Variants in GALNT7 observed in about 807,000 individuals in gnomAD.
The protein encoded by GALNT7 is N-acetylgalactosaminyltransferase 7.
Under a neutral mutation model 82.1 loss-of-function variants are expected in GALNT7, and 60 were observed. The ratio of observed to expected loss-of-function variants is 0.73; its 90% confidence interval spans 0.59 to 0.91. The LOEUF (loss-of-function observed/expected upper bound fraction) is 0.91, where lower values mean the gene tolerates loss of function less well. Ranked by LOEUF, GALNT7 falls within the 40% of genes least tolerant of loss-of-function variation. The probability of loss-of-function intolerance (pLI) is 0.00; values close to 1 mark genes in which losing one functional copy is unlikely to be tolerated. For missense variants in GALNT7, 660 were observed against 804.2 expected, an observed-to-expected ratio of 0.82 and a Z score of 2.17; for synonymous variants, 243 against 275.1, an observed-to-expected ratio of 0.88 and a Z score of 1.15.
In GALNT7 at chr4:173,194,244, A is replaced by G. The variant is rs562623460; in HGVS notation, c.126+25283A>G. Among the ~76,000 whole-genome samples, 400 of 152,378 alleles carry G rather than the reference A, an allele frequency of 2.6e-3. 1 individual carries two copies. Among genetic ancestry groups the G allele is most frequent in the African/African-American group, 9.1e-3 (378 of 41,590 alleles). ...GGTTCTTATTGTCAGATTTAATATA[A>G]CATGTTAACATACAGCATTTATACA... On this transcript the variant is annotated intron_variant, in intron 1 of 11. Transcript: ENST00000265000.
chr4:173,278,952 T>G (rs1488363211), intron 2 of GALNT7, among the ~76,000 whole-genome samples: 1 of 152,236 alleles, frequency 6.6e-6, no homozygotes, highest in Non-Finnish European at 1.5e-5. Context: ...AAATCTACCA[T>G]ACTGTGTTCC....
At chr4:173,234,215 T>G (rs184411374) in intron 1 of GALNT7, among the ~76,000 whole-genome samples, 7 of 152,352 alleles carry the variant, frequency 4.6e-5, no homozygotes, top group Admixed American at 2.0e-4. Context: ...CCATCCATCA[T>G]GTAAGGGGTG....
At chr4:173,207,714 T>C (rs1315274561) in intron 1 of GALNT7, among the ~76,000 whole-genome samples, 1 of 152,222 alleles carries the variant, frequency 6.6e-6, no homozygotes, top group East Asian at 1.9e-4. Flanking sequence ...CTCTCCCTAC[T>C]GATCCACAGG....
At chr4:173,179,503 T>C (rs954252613) in intron 1 of GALNT7, among the ~76,000 whole-genome samples, 5 of 152,208 alleles carry the variant, frequency 3.3e-5, no homozygotes, top group African/African-American at 7.2e-5. Flanking sequence ...AAGATATTCT[T>C]TAATGTGAGC....
intron 1 of GALNT7, among the ~76,000 whole-genome samples, chr4:173,241,816 G>A (rs139389083): frequency 2.6e-5 from 4 of 152,136 alleles, no homozygotes; most frequent in African/African-American, 4.8e-5. Flanking sequence ...AAGGGGGGTG[G>A]CATTTAATTG....
intron 2 of GALNT7, among the ~76,000 whole-genome samples, chr4:173,271,412 G>A (rs1194602944): frequency 2.0e-5 from 3 of 152,084 alleles, no homozygotes; most frequent in African/African-American, 7.2e-5. Context: ...TACCAGCCAA[G>A]TAATACATAT....
intron 6 of GALNT7, among the ~76,000 whole-genome samples, chr4:173,299,706 C>T (rs961188492): frequency 6.6e-6 from 1 of 151,920 alleles, no homozygotes. Context: ...ATTAGCTGGG[C>T]GTGGTGGTGT....
intron 1 of GALNT7, among the ~76,000 whole-genome samples, chr4:173,208,195 T>C (rs879868095): frequency 3.3e-5 from 5 of 152,204 alleles, no homozygotes; most frequent in African/African-American, 9.6e-5. Flanking sequence ...TATTCAAGGT[T>C]ACAAAAGATG....
chr4:173,216,882 C>T (rs1733489352), intron 1 of GALNT7, among the ~76,000 whole-genome samples: 1 of 150,746 alleles, frequency 6.6e-6, no homozygotes, highest in Non-Finnish European at 1.5e-5. Context: ...AGGTACCTGC[C>T]ACCACGCCTG....
At chr4:173,282,517 C>T (rs999079340) in intron 2 of GALNT7, 3 of 152,166 alleles carry the variant, frequency 2.0e-5, no homozygotes, top group African/African-American at 7.2e-5. Flanking sequence ...CCCTCATTCC[C>T]CACTTCAGAA....
intron 2 of GALNT7, among the ~76,000 whole-genome samples, chr4:173,255,293 C>T (rs989311241): frequency 6.6e-6 from 1 of 152,142 alleles, no homozygotes; most frequent in East Asian, 1.9e-4. Context: ...TTCTGCTGCC[C>T]AGACCTCATT....
intron 2 of GALNT7, among the ~76,000 whole-genome samples, chr4:173,255,921 C>T (rs1387031115): frequency 2.0e-5 from 3 of 152,162 alleles, no homozygotes; most frequent in Non-Finnish European, 4.4e-5. Context: ...AGGCTGTCTA[C>T]TACAATATAT....
chr4:173,277,273 G>A (rs1427857775), intron 2 of GALNT7, among the ~76,000 whole-genome samples: 1 of 152,206 alleles, frequency 6.6e-6, no homozygotes, highest in African/African-American at 2.4e-5. Context: ...CCAAGGTCAG[G>A]AAGTACACAT....
rs115536118 is a variant in GALNT7 at position 173,266,486 on chromosome 4, A to G, written c.587+18046A>G. Among the ~76,000 whole-genome samples, 1,171 of 152,290 alleles carry G rather than the reference A, an allele frequency of 7.7e-3. 12 individuals are homozygous for G. The highest frequency in any genetic ancestry group is 0.026 in the African/African-American group (1,093 of 41,536). On this transcript the variant is annotated intron_variant, in intron 2 of 11. Transcript: ENST00000265000. ...AAGAGCACGAAAGTGTGTTGATCAG[A>G]GCAGTAGTTTTAATTGTAGTATTTT...
At chr4:173,180,368 T>C (rs1475329670) in intron 1 of GALNT7, among the ~76,000 whole-genome samples, 2 of 141,624 alleles carry the variant, frequency 1.4e-5, no homozygotes, top group Non-Finnish European at 3.0e-5. Context: ...ACTGTTGTCA[T>C]GCAGGCCGGA....
intron 8 of GALNT7, among the ~76,000 whole-genome samples, chr4:173,313,151 T>C (rs1737454131): frequency 6.6e-6 from 1 of 152,168 alleles, no homozygotes; most frequent in Non-Finnish European, 1.5e-5. Flanking sequence ...TCTATTATAG[T>C]TATAACAGGA....
chr4:173,188,324 T>C (rs1732519256), intron 1 of GALNT7, among the ~76,000 whole-genome samples: 1 of 152,312 alleles, frequency 6.6e-6, no homozygotes, highest in Non-Finnish European at 1.5e-5. Context: ...TGGGATTCAG[T>C]ACCACCAAGT....
chr4:173,187,282 T>G (rs930140469), intron 1 of GALNT7, among the ~76,000 whole-genome samples: 2 of 152,084 alleles, frequency 1.3e-5, no homozygotes, highest in Non-Finnish European at 2.9e-5. Context: ...AATTTCACTG[T>G]AGAAATATTT....
intron 1 of GALNT7, among the ~76,000 whole-genome samples, chr4:173,175,966 A>G (rs914736687): frequency 2.0e-5 from 3 of 152,078 alleles, no homozygotes; most frequent in Non-Finnish European, 4.4e-5. Flanking sequence ...CCAGCTACTC[A>G]GGAGGCTGAG....
Sources: gnomAD v4.1 joint callset for allele counts (sites outside exome capture counted in the v4.1 genomes callset) on GRCh38, gnomAD v4.1.1 for gene constraint, MANE v1.5 for transcripts, NCBI Gene and HGNC (gene_info 2026-07-23, HGNC 2026-07-21) for gene names.